The following TMEM117 variants were observed in gnomAD, a reference collection of about 807,000 sequenced individuals.
TMEM117 encodes transmembrane protein 117.
In TMEM117, 27 loss-of-function variants were observed where a neutral mutation model predicts 52.4. The ratio of observed to expected loss-of-function variants is 0.51; its 90% confidence interval spans 0.38 to 0.71. TMEM117 has a LOEUF of 0.71. Among genes scored for constraint, TMEM117 ranks in the 30% least tolerant of loss-of-function variants. The pLI, the probability that TMEM117 is intolerant of heterozygous loss-of-function variation, is 0.00. For synonymous variants in TMEM117, 215 were observed against 206.3 expected (o/e 1.04, Z -0.36); for missense variants, 556 against 630.5 (o/e 0.88, Z 1.26).
intron 3 of TMEM117, among the ~76,000 whole-genome samples, chr12:44,097,534 C>A (rs1196708499): frequency 6.6e-6 from 1 of 151,904 alleles, no homozygotes; most frequent in Non-Finnish European, 1.5e-5. Context: ...ACTATGCAGC[C>A]ATAAAAAATG....
At chr12:44,088,793 C>A (rs536541179) in intron 3 of TMEM117, among the ~76,000 whole-genome samples, 1 of 152,318 alleles carries the variant, frequency 6.6e-6, no homozygotes, top group East Asian at 1.9e-4. Flanking sequence ...CTATACCACT[C>A]AGGGTCACTG....
At chr12:43,991,295 A>G (rs968060283) in intron 3 of TMEM117, among the ~76,000 whole-genome samples, 1 of 152,198 alleles carries the variant, frequency 6.6e-6, no homozygotes, top group Non-Finnish European at 1.5e-5. Context: ...AAACTTCCAC[A>G]CAATATAGGA....
chr12:44,337,543 C>T (rs1405572727), intron 6 of TMEM117, among the ~76,000 whole-genome samples: 2 of 151,998 alleles, frequency 1.3e-5, no homozygotes, highest in East Asian at 3.9e-4. Flanking sequence ...GGTGATCCTG[C>T]TTCCAGTGAC....
At chr12:44,185,738 G>A (rs534405568) in intron 4 of TMEM117, among the ~76,000 whole-genome samples, 3 of 152,126 alleles carry the variant, frequency 2.0e-5, no homozygotes, top group African/African-American at 7.2e-5. Context: ...TCAAGTAGAT[G>A]GTCTTTGCTC....
At chr12:44,104,292 T>C (rs1041537453) in intron 3 of TMEM117, among the ~76,000 whole-genome samples, 3 of 151,930 alleles carry the variant, frequency 2.0e-5, no homozygotes, top group African/African-American at 7.2e-5. Context: ...ATCTCTCCAT[T>C]CTTGTTTTTT....
At chr12:43,873,947 G>A (rs1943748890) in intron 2 of TMEM117, among the ~76,000 whole-genome samples, 1 of 151,888 alleles carries the variant, frequency 6.6e-6, no homozygotes, top group South Asian at 2.1e-4. Flanking sequence ...ATTAAAGCCA[G>A]TGAGTTATAA....
chr12:43,990,461 G>C (rs1945919879), intron 3 of TMEM117, among the ~76,000 whole-genome samples: 1 of 152,138 alleles, frequency 6.6e-6, no homozygotes, highest in Non-Finnish European at 1.5e-5. Flanking sequence ...AATCTAAAAG[G>C]AGAGGGCATT....
intron 6 of TMEM117, among the ~76,000 whole-genome samples, chr12:44,337,570 T>G (rs987390569): frequency 3.3e-5 from 5 of 151,928 alleles, no homozygotes; most frequent in African/African-American, 1.2e-4. Context: ...CCTTCATCCT[T>G]CAGGGACATC....
intron 2 of TMEM117, among the ~76,000 whole-genome samples, chr12:43,865,279 G>A (rs532604048): frequency 3.3e-5 from 5 of 152,252 alleles, no homozygotes; most frequent in Admixed American, 2.0e-4. Flanking sequence ...AAGTTAGAAG[G>A]ATTGGTAAAG....
intron 4 of TMEM117, among the ~76,000 whole-genome samples, chr12:44,178,740 C>T (rs2138305168): frequency 6.6e-6 from 1 of 152,056 alleles, no homozygotes; most frequent in African/African-American, 2.4e-5. Flanking sequence ...GGGTTTTTTC[C>T]CCCTTTAAAA....
intron 3 of TMEM117, among the ~76,000 whole-genome samples, chr12:44,041,858 C>CA (rs1946803833): frequency 6.6e-6 from 1 of 151,970 alleles, no homozygotes; most frequent in South Asian, 2.1e-4. Flanking sequence ...GAACTAAAAA[C>CA]AAAAAACCAC....
intron 6 of TMEM117, among the ~76,000 whole-genome samples, chr12:44,348,374 G>T (rs1951518319): frequency 6.6e-6 from 1 of 151,660 alleles, no homozygotes; most frequent in Admixed American, 6.6e-5. Context: ...ATGTCTTGGG[G>T]TTTTATTATT....
At chr12:44,301,664 C>T (rs1171271613) in intron 6 of TMEM117, among the ~76,000 whole-genome samples, 1 of 152,170 alleles carries the variant, frequency 6.6e-6, no homozygotes, top group Non-Finnish European at 1.5e-5. Flanking sequence ...AACAGGGAAT[C>T]CAGACCTAGC....
the TMEM117 span, among the ~76,000 whole-genome samples, chr12:44,396,803 G>A: frequency 3.4e-5 from 5 of 149,140 alleles, no homozygotes; most frequent in African/African-American, 1.2e-4. Flanking sequence ...GCAGTGAGCC[G>A]AGATTGTGCC....
the TMEM117 span, among the ~76,000 whole-genome samples, chr12:43,809,923 A>G: frequency 3.3e-5 from 5 of 152,244 alleles, no homozygotes; most frequent in East Asian, 5.8e-4. Context: ...TTTCATTCCT[A>G]TCGGACTCAG....
At chr12:43,968,842 T>C (rs1282610632) in intron 3 of TMEM117, among the ~76,000 whole-genome samples, 3 of 152,220 alleles carry the variant, frequency 2.0e-5, no homozygotes, top group Admixed American at 6.5e-5. Context: ...TAAAACTGTT[T>C]CCAGAATTGG....
At chr12:44,333,281 G>A (rs1951296564) in intron 6 of TMEM117, among the ~76,000 whole-genome samples, 2 of 151,980 alleles carry the variant, frequency 1.3e-5, no homozygotes, top group African/African-American at 4.8e-5. Flanking sequence ...AATATGCCAG[G>A]CCCTGGGCAT....
chr12:44,125,774 C>A (rs1418278752), intron 3 of TMEM117, among the ~76,000 whole-genome samples: 81 of 151,978 alleles, frequency 5.3e-4, no homozygotes. Flanking sequence ...GTTGTTTGCT[C>A]TTGGTTCTCT....
intron 3 of TMEM117, among the ~76,000 whole-genome samples, chr12:43,982,441 T>C (rs189638495): frequency 5.5e-4 from 83 of 152,280 alleles, no homozygotes; most frequent in Admixed American, 2.6e-3. Flanking sequence ...TACAGGAAAA[T>C]ATGGTTACTG....
Sources: gnomAD v4.1 joint callset for allele counts (sites outside exome capture counted in the v4.1 genomes callset) on GRCh38, gnomAD v4.1.1 for gene constraint, MANE v1.5 for transcripts, NCBI Gene and HGNC (gene_info 2026-07-23, HGNC 2026-07-21) for gene names.